Variants in PTPRT observed in about 807,000 individuals in gnomAD.
PTPRT encodes the protein receptor-type tyrosine-protein phosphatase T.
In PTPRT, 56 loss-of-function variants were observed where a neutral mutation model predicts 176.8. The ratio of observed to expected loss-of-function variants is 0.32; its 90% CI spans 0.26 to 0.40. The LOEUF is 0.40. Ranked by LOEUF, PTPRT falls within the 10% of genes least tolerant of loss-of-function variation. PTPRT has a pLI of 1.00. For synonymous variants in PTPRT, 783 were observed against 739.0 expected (o/e 1.06, Z -0.96); for missense variants, 1,540 against 1,908.2 (o/e 0.81, Z 3.60).
At chr20:42,591,367 T>C (rs569810086) in intron 7 of PTPRT, among the ~76,000 whole-genome samples, 2 of 152,258 alleles carry the variant, frequency 1.3e-5, no homozygotes, top group Admixed American at 1.3e-4. Flanking sequence ...TCCTTAGCAA[T>C]CCTAAGATAT....
chr20:42,392,714 C>T (rs2058811769), intron 9 of PTPRT, among the ~76,000 whole-genome samples: 1 of 152,132 alleles, frequency 6.6e-6, no homozygotes, highest in Non-Finnish European at 1.5e-5. Context: ...GGAGTATCAT[C>T]CATATGCAAG....
intron 9 of PTPRT, among the ~76,000 whole-genome samples, chr20:42,445,050 T>C (rs1398254947): frequency 6.6e-6 from 1 of 152,172 alleles, no homozygotes; most frequent in Non-Finnish European, 1.5e-5. Flanking sequence ...CCCAAGGATC[T>C]TGTTAAACTG....
At chr20:43,007,868 T>C (rs1025733731) in intron 1 of PTPRT, among the ~76,000 whole-genome samples, 4 of 152,216 alleles carry the variant, frequency 2.6e-5, no homozygotes, top group African/African-American at 9.6e-5. Context: ...GGCCAAGTTA[T>C]AACCTCTCTT....
At chr20:42,493,149 C>A (rs2071591417) in intron 7 of PTPRT, among the ~76,000 whole-genome samples, 1 of 152,178 alleles carries the variant, frequency 6.6e-6, no homozygotes, top group Non-Finnish European at 1.5e-5. Flanking sequence ...GCTGGTGTCA[C>A]ATTTACCTCT....
At chr20:42,414,508 A>G (rs1328413454) in intron 9 of PTPRT, among the ~76,000 whole-genome samples, 1 of 152,230 alleles carries the variant, frequency 6.6e-6, no homozygotes, top group Non-Finnish European at 1.5e-5. Flanking sequence ...AATCAGCTGA[A>G]AAACTATTAG....
chr20:42,329,482 CACACACACACACACACACACAT>C (rs1237166864), intron 11 of PTPRT, among the ~76,000 whole-genome samples: 3 of 136,192 alleles, frequency 2.2e-5, no homozygotes, highest in Non-Finnish European at 4.9e-5. Context: ...GGCACACACA[CACACACACACACACACACACAT>C]ACACACACAC....
At chr20:42,518,761 C>G (rs2072115884) in intron 7 of PTPRT, among the ~76,000 whole-genome samples, 1 of 151,962 alleles carries the variant, frequency 6.6e-6, no homozygotes, top group Admixed American at 6.6e-5. Context: ...GTCTTTGAAT[C>G]TATAAAATAG....
chr20:42,763,092 G>T (rs892509336), intron 5 of PTPRT, among the ~76,000 whole-genome samples: 14 of 152,232 alleles, frequency 9.2e-5, no homozygotes, highest in Non-Finnish European at 1.5e-4. Context: ...ACCACCTAAA[G>T]AGGAAGGCAA....
At chr20:42,447,689 T>TA (rs2070756853) in intron 9 of PTPRT, among the ~76,000 whole-genome samples, 1 of 152,148 alleles carries the variant, frequency 6.6e-6, no homozygotes, top group Non-Finnish European at 1.5e-5. Context: ...TCATCTCTGA[T>TA]ATGGTAAGGC....
chr20:43,160,978 T>G (rs1375043350), intron 1 of PTPRT, among the ~76,000 whole-genome samples: 1 of 151,536 alleles, frequency 6.6e-6, no homozygotes, highest in Non-Finnish European at 1.5e-5. Context: ...GGTCTCAAAC[T>G]CCTGGCCTCA....
intron 18 of PTPRT, among the ~76,000 whole-genome samples, chr20:42,139,127 T>C (rs1988509896): frequency 6.6e-6 from 1 of 152,198 alleles, no homozygotes; most frequent in Non-Finnish European, 1.5e-5. Flanking sequence ...TTTTTTCCAT[T>C]TCCCTTTTTT....
intron 13 of PTPRT, among the ~76,000 whole-genome samples, chr20:42,260,486 T>A (rs1208789511): frequency 1.3e-5 from 2 of 152,204 alleles, no homozygotes; most frequent in Non-Finnish European, 2.9e-5. Flanking sequence ...ATAAACTCTT[T>A]AGGATGCCCT....
At chr20:42,056,065 C>T in the PTPRT span, among the ~76,000 whole-genome samples, 1 of 152,124 alleles carries the variant, frequency 6.6e-6, no homozygotes, top group Non-Finnish European at 1.5e-5. Flanking sequence ...CCTCTGAGGT[C>T]CTGGTGTTCT....
chr20:42,402,975 T>A (rs191251418), intron 9 of PTPRT, among the ~76,000 whole-genome samples: 1 of 152,284 alleles, frequency 6.6e-6, no homozygotes. Context: ...AATGGCACAG[T>A]TTTAAGAAGG....
At chr20:42,364,890 G>GA (rs2047549786) in intron 9 of PTPRT, among the ~76,000 whole-genome samples, 1 of 152,202 alleles carries the variant, frequency 6.6e-6, no homozygotes, top group African/African-American at 2.4e-5. Context: ...CTACTCGAAG[G>GA]AGGCAGCGAT....
intron 14 of PTPRT, among the ~76,000 whole-genome samples, chr20:42,241,163 T>A (rs2056346618): frequency 1.3e-5 from 2 of 152,130 alleles, no homozygotes; most frequent in Non-Finnish European, 2.9e-5. Flanking sequence ...TGTATTATCT[T>A]CTGTCATGAT....
intron 1 of PTPRT, among the ~76,000 whole-genome samples, chr20:43,183,013 TG>T (rs1437100298): frequency 1.3e-5 from 2 of 152,222 alleles, no homozygotes; most frequent in Non-Finnish European, 2.9e-5. Flanking sequence ...AAGTTATTCG[TG>T]TCTTTAATTT....
intron 1 of PTPRT, among the ~76,000 whole-genome samples, chr20:42,983,865 C>T (rs368350022): frequency 5.9e-5 from 9 of 152,340 alleles, no homozygotes; most frequent in African/African-American, 9.6e-5. Flanking sequence ...TCCCTGGGCA[C>T]GCTGGCCCCA....
At chr20:42,700,339 T>C (rs755956043) in intron 6 of PTPRT, among the ~76,000 whole-genome samples, 1 of 151,922 alleles carries the variant, frequency 6.6e-6, no homozygotes, top group Non-Finnish European at 1.5e-5. Context: ...TCAGCCCCCA[T>C]CAAGAAGCCT....
Sources: gnomAD v4.1 joint callset for allele counts (sites outside exome capture counted in the v4.1 genomes callset) on GRCh38, gnomAD v4.1.1 for gene constraint, MANE v1.5 for transcripts, NCBI Gene and HGNC (gene_info 2026-07-23, HGNC 2026-07-21) for gene names.